SEC14L2: variants seen among roughly 807,000 people sequenced by gnomAD.
The protein encoded by SEC14L2 is SEC14-like protein 2.
A neutral mutation model predicts 56.9 loss-of-function variants in SEC14L2; 50 were observed. That is an observed-to-expected ratio of 0.88 (90% CI 0.70 to 1.11). The LOEUF is 1.11. Among genes scored for constraint, SEC14L2 ranks in the 50% most tolerant of loss-of-function variants. The pLI, the probability that SEC14L2 is intolerant of heterozygous loss-of-function variation, is 0.00. For synonymous variants in SEC14L2, 179 were observed against 188.5 expected, an observed-to-expected ratio of 0.95 and a Z score of 0.41; for missense variants, 414 against 500.7, an observed-to-expected ratio of 0.83 and a Z score of 1.65.
rs1030579182 is a variant in SEC14L2, at chr22:30,424,074, A to G, written c.*1667A>G. ...GTCTTCCGCCATCTTTGATCAGGGC[A>G]CTAAGGATGCTCCCCACGGCCTTCA... On this transcript the variant is annotated 3_prime_UTR_variant, in exon 12 of 12. Coordinates refer to ENST00000615189, the MANE Select transcript of SEC14L2 (RefSeq NM_012429.5). 6.5e-6 allele frequency: 1 copy of G among 153,022 alleles called. No individual in the cohort carries two copies. Among genetic ancestry groups the G allele is most frequent in the African/African-American group, 2.4e-5 (1 of 41,462 alleles). 9.5% of individuals were successfully genotyped at this position (153,022 alleles called of 1,614,324 possible).
chr22:30,417,133 T>C (rs1934409228), intron 11 of SEC14L2, among the ~76,000 whole-genome samples: 1 of 152,164 alleles, frequency 6.6e-6, no homozygotes, highest in Admixed American at 6.5e-5. Flanking sequence ...TTAAAGAGAA[T>C]AAACTGACAT....
rs530457076 is a variant in SEC14L2, at chr22:30,424,620, G to A, written c.*2213G>A. ...AGCCGTGCAAAGCGCTTAAGAGCTTGGTATAAGTAAGTGCTCGTCAATGTT... is the reference window on the plus strand; with the variant it reads ...AGCCGTGCAAAGCGCTTAAGAGCTTAGTATAAGTAAGTGCTCGTCAATGTT... On this transcript the variant is annotated 3_prime_UTR_variant, in exon 12 of 12. Coordinates refer to ENST00000615189, the MANE Select transcript of SEC14L2 (RefSeq NM_012429.5). 2.3e-6 allele frequency: 1 copy of A among 441,244 alleles called. No individual in the cohort carries two copies. The highest frequency in any genetic ancestry group is 2.5e-5 in the Admixed American group (1 of 40,334). 27.3% of individuals were successfully genotyped at this position (441,244 alleles called of 1,614,324 possible).
Position 30,422,439 on chromosome 22 carries a change from A to G in SEC14L2, c.*32A>G, listed in dbSNP as rs778433307. ...CTCCTATAGCAGGCCTGGCCCCCTC[A>G]GTGTCTCCCTGTCAATTTCTACCCC... is the stretch of plus-strand genomic sequence containing the variant. On this transcript the variant is annotated 3_prime_UTR_variant, in exon 12 of 12. Transcript: ENST00000615189. The G allele has an allele frequency of 5.6e-6, 9 of 1,612,936 alleles. No individual in the cohort carries two copies. Among genetic ancestry groups the G allele is most frequent in the Non-Finnish European group, 7.6e-6 (9 of 1,179,484 alleles).
rs1438256247 is a variant in SEC14L2, at chr22:30,423,308, G to A, written c.*901G>A. ...GATCAAGAGAGCAGCACTCGGAGAGGGTGTTTGCCAGTCTGAGTGTCCCGC... is the reference window on the plus strand; with the variant it reads ...GATCAAGAGAGCAGCACTCGGAGAGAGTGTTTGCCAGTCTGAGTGTCCCGC... On this transcript the variant is annotated 3_prime_UTR_variant, in exon 12 of 12. Transcript: ENST00000615189. 1 of 152,816 alleles carries A rather than the reference G, an allele frequency of 6.5e-6. No individual in the cohort carries two copies. Among genetic ancestry groups the A allele is most frequent in the East Asian group, 1.9e-4 (1 of 5,200 alleles). 9.5% of individuals were successfully genotyped at this position (152,816 alleles called of 1,614,324 possible).
intron 11 of SEC14L2, among the ~76,000 whole-genome samples, chr22:30,419,115 A>G (rs1166742687): frequency 6.6e-6 from 1 of 152,196 alleles, no homozygotes; most frequent in Admixed American, 6.5e-5. Flanking sequence ...TGGAAACACT[A>G]TAGAAAGGGT....
intron 8 of SEC14L2, among the ~76,000 whole-genome samples, chr22:30,414,299 C>T (rs892784848): frequency 6.6e-6 from 1 of 152,134 alleles, no homozygotes; most frequent in Admixed American, 6.5e-5. Context: ...GGGCATGAGA[C>T]GGTTTGGTTT....
intron 8 of SEC14L2, among the ~76,000 whole-genome samples, chr22:30,412,988 A>T (rs1271100344): frequency 1.3e-5 from 2 of 152,184 alleles, no homozygotes; most frequent in Non-Finnish European, 2.9e-5. Flanking sequence ...CATTAGTTCA[A>T]CTGGGGAAAA....
chr22:30,416,019 C>A lies in SEC14L2; in HGVS notation c.843C>A (p.Ser281Arg), dbSNP rs957935570. The part of the protein sequence containing the change: ...RDQVKQQYEH[S>R]VQISRGSSHQ... Reference sequence around the variant, plus strand: ...AGGTGAAACAGCAGTATGAACACAGCGTGCAGATTTCCCGTGGCTCCTCCC... The same window carrying A: ...AGGTGAAACAGCAGTATGAACACAGAGTGCAGATTTCCCGTGGCTCCTCCC... Residue 281 changes from serine to arginine, a missense_variant, in exon 10 of 12, where the codon AGC becomes AGA. By Grantham distance (110) the Ser-to-Arg change is moderately radical. Transcript: ENST00000615189. The A allele has an allele frequency of 1.2e-6, 2 of 1,614,240 alleles. No homozygotes were observed. The highest frequency in any genetic ancestry group is 3.3e-5 in the Admixed American group (2 of 60,034).
At position 30,422,381 on chromosome 22, in the gene SEC14L2, C is replaced by T. The variant is rs775301992; in HGVS notation, c.1186C>T (p.Gln396Ter). ...PDKASEEKMK[Q>*]LGAGTPK is the part of the protein sequence containing the mutation. ...CAAAGCCTCAGAAGAGAAGATGAAA[C>T]AGCTGGGGGCAGGCACCCCGAAATA... Residue 396 changes from glutamine (Q) to a stop codon, truncating the protein, a stop_gained, in exon 12 of 12, where the codon CAG becomes TAG. Transcript: ENST00000615189. LOFTEE classifies it high-confidence loss of function. 1 of 1,614,210 alleles carries T rather than the reference C, an allele frequency of 6.2e-7. No homozygotes were observed. The highest frequency in any genetic ancestry group is 1.7e-5 in the Admixed American group (1 of 60,022).
At chr22:30,406,945 T>C (rs868258257) in intron 3 of SEC14L2, 150 bp from the exon 4 acceptor site, 2 of 623,246 alleles carry the variant, frequency 3.2e-6, no homozygotes, top group Middle Eastern at 4.4e-4. Context: ...AGGGACGGGA[T>C]TTTGCCATGT....
chr22:30,421,110 G>A (rs1403662553), intron 11 of SEC14L2: 4 of 152,138 alleles, frequency 2.6e-5, no homozygotes, highest in African/African-American at 7.2e-5. Context: ...GCCCCTGCGC[G>A]AGGATGACAA....
chr22:30,418,007 G>C (rs1569211980), intron 11 of SEC14L2, among the ~76,000 whole-genome samples: 2 of 152,098 alleles, frequency 1.3e-5, no homozygotes, highest in African/African-American at 4.8e-5. Flanking sequence ...GCAAGAACAA[G>C]GCTTAGCACC....
At position 30,424,731 on chromosome 22, in the gene SEC14L2, C is replaced by G. The variant is rs1236905816; in HGVS notation, c.*2324C>G. ...AGGCGGCACAGCTAGGATTTGAACC[C>G]AGGATTGTCTCCAACGCCGCTCAAT... On this transcript the variant is annotated 3_prime_UTR_variant, in exon 12 of 12. Coordinates refer to ENST00000615189, the MANE Select transcript of SEC14L2 (RefSeq NM_012429.5). The G allele has an allele frequency of 8.8e-6, 4 of 456,474 alleles. No individual in the cohort carries two copies. The highest frequency in any genetic ancestry group is 8.0e-5 in the African/African-American group (4 of 50,034). 28.3% of individuals were successfully genotyped at this position (456,474 alleles called of 1,614,324 possible).
chr22:30,412,425 A>G (rs1053885293), intron 8 of SEC14L2, among the ~76,000 whole-genome samples: 2 of 151,818 alleles, frequency 1.3e-5, no homozygotes, highest in Non-Finnish European at 2.9e-5. Flanking sequence ...CAGTGGTACA[A>G]TCTCGGCACA....
At chr22:30,419,195 A>G (rs563852743) in intron 11 of SEC14L2, among the ~76,000 whole-genome samples, 15 of 152,284 alleles carry the variant, frequency 9.9e-5, no homozygotes, top group African/African-American at 2.2e-4. Flanking sequence ...AGCTTTGCCA[A>G]TGACTCTCCC....
intron 11 of SEC14L2, chr22:30,416,754 G>T (rs960591490): frequency 7.7e-7 from 1 of 1,298,402 alleles, no homozygotes; most frequent in East Asian, 3.3e-5. Context: ...AGGTCACAGA[G>T]ACAGAACTGG....
At chr22:30,421,917 ACTGCTGCTG>A (rs1934529565) in intron 11 of SEC14L2, 1 of 183,574 alleles carries the variant, frequency 5.4e-6, no homozygotes, top group Admixed American at 5.8e-5. Flanking sequence ...TACAACTGCT[ACTGCTGCTG>A]CTAATTCTCC....
chr22:30,418,626 G>A (rs1241807531), intron 11 of SEC14L2, among the ~76,000 whole-genome samples: 1 of 152,162 alleles, frequency 6.6e-6, no homozygotes, highest in Non-Finnish European at 1.5e-5. Flanking sequence ...GTCTTGTCTG[G>A]GATCTGCTCC....
chr22:30,419,245 T>C (rs1601788216), intron 11 of SEC14L2, among the ~76,000 whole-genome samples: 1 of 152,270 alleles, frequency 6.6e-6, no homozygotes, highest in East Asian at 1.9e-4. Context: ...TTGGTTTTCC[T>C]TCTCCTTAAA....
Sources: gnomAD v4.1 joint callset for allele counts (sites outside exome capture counted in the v4.1 genomes callset) on GRCh38, gnomAD v4.1.1 for gene constraint, MANE v1.5 for transcripts, NCBI Gene and HGNC (gene_info 2026-07-23, HGNC 2026-07-21) for gene names.